ANKRD18B: variants seen among roughly 807,000 people sequenced by gnomAD.
ANKRD18B encodes ankyrin repeat domain 18B.
A neutral mutation model predicts 111.8 loss-of-function variants in ANKRD18B; 75 were observed. The observed-to-expected ratio is 0.67, with a 90% CI of 0.56 to 0.81. The LOEUF is 0.81. Ranked by LOEUF, ANKRD18B falls within the 40% of genes least tolerant of loss-of-function variation. ANKRD18B has a pLI of 0.00. For synonymous variants in ANKRD18B, 356 were observed against 417.3 expected, an observed-to-expected ratio of 0.85 and a Z score of 1.79; for missense variants, 1,038 against 1,225.5, an observed-to-expected ratio of 0.85 and a Z score of 2.28.
Position 33,524,536 on chromosome 9 carries a change from T to A in ANKRD18B, c.47T>A (p.Leu16Gln), listed in dbSNP as rs1488248267. The A allele has an allele frequency of 6.4e-7, 1 of 1,551,140 alleles. No homozygotes were observed. The highest frequency in any genetic ancestry group is 1.4e-5 in the African/African-American group (1 of 72,974). The part of the protein sequence containing the change: ...SFGRRLGQAL[L>Q]SSMDQEYAGR... ...GGGAGACGCCTGGGCCAGGCGCTCCTGAGCTCCATGGACCAAGAGTATGCG... is the reference window on the plus strand; with the variant it reads ...GGGAGACGCCTGGGCCAGGCGCTCCAGAGCTCCATGGACCAAGAGTATGCG... The change falls in exon 1 of 19, where the codon CTG becomes CAG. Residue 16 changes from leucine to glutamine, a missense_variant. By Grantham distance (113) the Leu-to-Gln change is moderately radical. Coordinates refer to ENST00000684830, the MANE Select transcript of ANKRD18B (RefSeq NM_001393611.1).
Position 33,524,543 on chromosome 9 carries a change from C to A in ANKRD18B, c.54C>A (p.Ser18=), listed in dbSNP as rs1488597852. Residue 18 remains serine, a synonymous_variant, in exon 1 of 19, where the codon TCC becomes TCA. Coordinates refer to ENST00000684830, the MANE Select transcript of ANKRD18B (RefSeq NM_001393611.1). ...GCCTGGGCCAGGCGCTCCTGAGCTC[C>A]ATGGACCAAGAGTATGCGGGTCGGG... The part of the protein sequence containing the change: ...GRRLGQALLS[S]MDQEYAGRGY... The A allele has an allele frequency of 1.3e-6, 2 of 1,551,250 alleles. No homozygotes were observed. Among genetic ancestry groups the A allele is most frequent in the East Asian group, 4.9e-5 (2 of 40,906 alleles).
chr9:33,540,466 G>A (rs886268979), intron 8 of ANKRD18B, among the ~76,000 whole-genome samples: 1 of 152,228 alleles, frequency 6.6e-6, no homozygotes, highest in Non-Finnish European at 1.5e-5. Flanking sequence ...TTGAAGCTGA[G>A]GAGGGGTATT....
chr9:33,567,581 A>G (rs1563909302), intron 16 of ANKRD18B, among the ~76,000 whole-genome samples: 1 of 151,974 alleles, frequency 6.6e-6, no homozygotes, highest in Non-Finnish European at 1.5e-5. Context: ...AGTTTTTTTC[A>G]CTAAGTATTT....
intron 3 of ANKRD18B, among the ~76,000 whole-genome samples, chr9:33,529,719 T>C (rs1828083314): frequency 6.6e-6 from 1 of 152,224 alleles, no homozygotes. Flanking sequence ...TTCCAGTTTA[T>C]GTATTGAGAC....
At chr9:33,558,036 A>T (rs1026007066) in intron 13 of ANKRD18B, 22 bp from the exon 14 acceptor site, 1 of 1,544,642 alleles carries the variant, frequency 6.5e-7, no homozygotes, top group African/African-American at 1.4e-5. Flanking sequence ...TTCTTGACTT[A>T]CCAGTTCTTA....
At chr9:33,536,707 A>G (rs1828206540) in intron 5 of ANKRD18B, among the ~76,000 whole-genome samples, 171 bp from the exon 6 acceptor site, 1 of 152,186 alleles carries the variant, frequency 6.6e-6, no homozygotes, top group African/African-American at 2.4e-5. Flanking sequence ...TTTCTTGTTT[A>G]ATTAGAAGCT....
intron 13 of ANKRD18B, among the ~76,000 whole-genome samples, chr9:33,557,468 T>A (rs955224396): frequency 6.6e-6 from 1 of 152,170 alleles, no homozygotes; most frequent in African/African-American, 2.4e-5. Flanking sequence ...CATACCAAAA[T>A]GGATATGAAT....
Position 33,572,999 on chromosome 9 carries a change from G to A in ANKRD18B, c.*565G>A, listed in dbSNP as rs1016950155. 1.4e-5 allele frequency: 5 copies of A among 368,708 alleles called. No homozygotes were observed. Among genetic ancestry groups the A allele is most frequent in the South Asian group, 2.1e-4 (2 of 9,548 alleles). 22.8% of individuals were successfully genotyped at this position (368,708 alleles called of 1,614,324 possible). A position where few individuals can be genotyped will look rare whatever the true frequency, so the allele number is the denominator to read the frequency against. On this transcript the variant is annotated 3_prime_UTR_variant, in exon 19 of 19. Coordinates refer to ENST00000684830, the MANE Select transcript of ANKRD18B (RefSeq NM_001393611.1). ...GGAGAAATAAAACCAATAAATAAAG[G>A]AGAAGGGAAAGTCATGATTCTGGTG...
intron 12 of ANKRD18B, among the ~76,000 whole-genome samples, chr9:33,553,961 A>G (rs895382867): frequency 3.3e-5 from 5 of 151,678 alleles, no homozygotes; most frequent in African/African-American, 1.2e-4. Flanking sequence ...AGCCCCAGCT[A>G]CTTGGGAGGC....
At chr9:33,535,709 T>A in intron 5 of ANKRD18B, among the ~76,000 whole-genome samples, 1 of 147,006 alleles carries the variant, frequency 6.8e-6, no homozygotes, top group Non-Finnish European at 1.5e-5. Context: ...TATATTATTT[T>A]TATATTTATA....
chr9:33,539,759 T>A (rs557168990), intron 7 of ANKRD18B, among the ~76,000 whole-genome samples: 2 of 152,056 alleles, frequency 1.3e-5, no homozygotes, highest in African/African-American at 4.8e-5. Flanking sequence ...GGGAAACTTC[T>A]GAGGTAGAAT....
At chr9:33,569,565 T>C (rs1828739164) in intron 17 of ANKRD18B, among the ~76,000 whole-genome samples, 1 of 152,114 alleles carries the variant, frequency 6.6e-6, no homozygotes, top group Admixed American at 6.6e-5. Flanking sequence ...CAGCCCATAC[T>C]ATTTTTAAAG....
rs528857560 is a variant in ANKRD18B at position 33,568,834 on chromosome 9, A to G, written c.3118A>G (p.Ile1040Val). 16 of 1,551,520 alleles carry G rather than the reference A, an allele frequency of 1.0e-5. No individual in the cohort carries two copies. Among genetic ancestry groups the G allele is most frequent in the Admixed American group, 5.9e-5 (3 of 50,998 alleles). The change falls in exon 17 of 19, where the codon ATA becomes GTA. Residue 1040 changes from isoleucine (I) to valine (V), a missense_variant. Around this residue, in one of 4 missense-constraint regions of ANKRD18B, gnomAD observed 524 missense variants for 677.9 expected, o/e 0.77. Coordinates refer to ENST00000684830, the MANE Select transcript of ANKRD18B (RefSeq NM_001393611.1). ...LNRKYIPKMAIRIPTSNPQTS... is the reference protein window; with the variant it reads ...LNRKYIPKMAVRIPTSNPQTS... Reference sequence around the variant, plus strand: ...CAGAAAATATATTCCCAAAATGGCCATAAGAATTCCTACTTCAAACCCACA... The same window carrying G: ...CAGAAAATATATTCCCAAAATGGCCGTAAGAATTCCTACTTCAAACCCACA...
intron 14 of ANKRD18B, among the ~76,000 whole-genome samples, chr9:33,560,703 G>A (rs923902746): frequency 5.3e-5 from 8 of 152,174 alleles, no homozygotes; most frequent in African/African-American, 1.9e-4. Flanking sequence ...GCTCACACCT[G>A]TAATCCCAGC....
chr9:33,575,324 G>T (rs929226542), downstream of ANKRD18B, among the ~76,000 whole-genome samples: 1 of 142,900 alleles, frequency 7.0e-6, no homozygotes, highest in Non-Finnish European at 1.5e-5. Context: ...CCCCTTGGTG[G>T]GTAGTGACCA....
Position 33,557,745 on chromosome 9 carries a change from G to A in ANKRD18B, c.2331-313G>A, listed in dbSNP as rs187638207. Among the ~76,000 whole-genome samples, 8 of 151,826 alleles carry A rather than the reference G, an allele frequency of 5.3e-5. No homozygotes were observed. The East Asian group carries it at 9.7e-4, about 18-fold the overall frequency. ...AGAAGTTGCAGTGAGCCGTGATCAC[G>A]CCATCACACTTCAGCCTGAGCAAAA... is the stretch of plus-strand genomic sequence containing the variant. On this transcript the variant is annotated intron_variant, in intron 13 of 18. Transcript: ENST00000684830.
intron 5 of ANKRD18B, among the ~76,000 whole-genome samples, chr9:33,536,584 A>G (rs999092061): frequency 1.3e-5 from 2 of 152,206 alleles, no homozygotes; most frequent in African/African-American, 2.4e-5. Context: ...CAAAATACCT[A>G]TTGGTTACAG....
rs1828257537 is a variant in ANKRD18B at position 33,540,127 on chromosome 9, G to A, written c.912G>A (p.Leu304=). 1 of 150,972 alleles carries A rather than the reference G, an allele frequency of 6.6e-6. No homozygotes were observed. Among genetic ancestry groups the A allele is most frequent in the East Asian group, 1.9e-4 (1 of 5,138 alleles). 9.4% of individuals were successfully genotyped at this position (150,972 alleles called of 1,614,324 possible). ...TCCAGTGGCATGATCTCAGATTACT[G>A]CAGCCTTCACCTCCCAGGTTCAAGC... ...SGVQWHDLRL[L]QPSPPRFKQF... Residue 304 remains leucine (L), a synonymous_variant, in exon 8 of 19, where the codon CTG becomes CTA. Transcript: ENST00000684830.
Position 33,548,376 on chromosome 9 carries a change from G to C in ANKRD18B, c.1588G>C (p.Gly530Arg). The change falls in exon 11 of 19, where the codon GGT becomes CGT. Residue 530 changes from glycine (G) to arginine (R), a missense_variant. Transcript: ENST00000684830. ...TGATGTTTCTAGACATGAAACAATG[G>C]GTTCTAATATTTCTCAACTAACAGA... ...ADDVSRHETM[G>R]SNISQLTDKN... The C allele has an allele frequency of 3.2e-6, 5 of 1,550,226 alleles. No homozygotes were observed. The highest frequency in any genetic ancestry group is 4.4e-6 in the Non-Finnish European group (5 of 1,146,358).
Sources: allele counts gnomAD v4.1 joint callset (sites outside exome capture counted in the v4.1 genomes callset), GRCh38; gene constraint gnomAD v4.1.1; regional missense constraint gnomAD v4.1.1; transcripts MANE v1.5; gene names NCBI Gene and HGNC (gene_info 2026-07-23, HGNC 2026-07-21).